The following ACSS3 variants were observed in gnomAD, a reference collection of about 807,000 sequenced individuals.
The protein encoded by ACSS3 is acyl-CoA synthetase short chain family member 3.
In ACSS3, 64 loss-of-function variants were observed where a neutral mutation model predicts 84.2. That is an observed-to-expected ratio of 0.76 (90% CI 0.62 to 0.94). The LOEUF is 0.94. Ranked by LOEUF, ACSS3 falls within the 40% of genes least tolerant of loss-of-function variation. The probability of loss-of-function intolerance (pLI) is 0.00; values close to 1 mark genes in which losing one functional copy is unlikely to be tolerated. For synonymous variants in ACSS3, 317 were observed against 310.1 expected (o/e 1.02, Z -0.23); for missense variants, 815 against 867.6 (o/e 0.94, Z 0.76).
At chr12:81,185,546 T>A (rs2031209394) in intron 8 of ACSS3, among the ~76,000 whole-genome samples, 1 of 151,596 alleles carries the variant, frequency 6.6e-6, no homozygotes, top group Non-Finnish European at 1.5e-5. Flanking sequence ...ACACAAATAA[T>A]GATCTAACTG....
intron 7 of ACSS3, among the ~76,000 whole-genome samples, chr12:81,167,853 C>G (rs189881769): frequency 2.0e-5 from 3 of 152,138 alleles, no homozygotes; most frequent in African/African-American, 7.2e-5. Flanking sequence ...GGAGAAGTCT[C>G]ACCTTCTCAG....
intron 2 of ACSS3, among the ~76,000 whole-genome samples, chr12:81,115,951 C>T (rs139050813): frequency 3.3e-5 from 5 of 152,046 alleles, no homozygotes; most frequent in Admixed American, 6.6e-5. Flanking sequence ...GCACCAGTGC[C>T]GGTATTTAAG....
chr12:81,253,708 T>C (rs1384472544), intron 15 of ACSS3, 38 bp downstream of exon 15: 1 of 1,582,352 alleles, frequency 6.3e-7, no homozygotes, highest in Non-Finnish European at 8.6e-7. Context: ...GGTTCTAAGA[T>C]ATTTTTCTTC....
intron 3 of ACSS3, among the ~76,000 whole-genome samples, chr12:81,136,026 T>C (rs1472824783): frequency 1.3e-5 from 2 of 152,158 alleles, no homozygotes; most frequent in Non-Finnish European, 2.9e-5. Context: ...TGACACTGTC[T>C]TTGCAACTGG....
intron 11 of ACSS3, among the ~76,000 whole-genome samples, chr12:81,220,944 T>C (rs952231917): frequency 9.2e-5 from 14 of 152,064 alleles, no homozygotes; most frequent in African/African-American, 3.4e-4. Context: ...ATAGCAATAG[T>C]ATTGAAGAGA....
chr12:81,259,449 T>C lies in ACSS3; in HGVS notation c.*4527T>C, dbSNP rs1021602027. Reference sequence around the variant, plus strand: ...TGTACAGAGTTTATGATGTAGATGATGTTTATTATTCAAATGACTTAAGCA... The same window carrying C: ...TGTACAGAGTTTATGATGTAGATGACGTTTATTATTCAAATGACTTAAGCA... On this transcript the variant is annotated 3_prime_UTR_variant, in exon 16 of 16. Coordinates refer to ENST00000548058, the MANE Select transcript of ACSS3 (RefSeq NM_024560.4). 4.5e-6 allele frequency: 3 copies of C among 662,024 alleles called. No individual in the cohort carries two copies. In the African/African-American group the frequency reaches 5.5e-5, roughly 12 times the overall value. 41.0% of individuals were successfully genotyped at this position (662,024 alleles called of 1,614,324 possible).
In ACSS3 at chr12:81,139,116, A is replaced by G. The variant is rs1406985005; in HGVS notation, c.646-15A>G. The G allele has an allele frequency of 2.5e-6, 4 of 1,609,000 alleles. No individual in the cohort carries two copies. Among genetic ancestry groups the G allele is most frequent in the Non-Finnish European group, 3.4e-6 (4 of 1,177,682 alleles). On this transcript the variant is annotated splice_polypyrimidine_tract_variant and intron_variant, in intron 3 of 15. Transcript: ENST00000548058. ...TTGTTAAAGCTTTCTCTCCATTATT[A>G]TTTTTTAATTGTAGCCCAAGGTGGT...
At chr12:81,251,661 A>G (rs1466049175) in intron 13 of ACSS3, among the ~76,000 whole-genome samples, 1 of 142,680 alleles carries the variant, frequency 7.0e-6, no homozygotes, top group Non-Finnish European at 1.5e-5. Context: ...GCGAAACCCC[A>G]TCTCTACAAA....
intron 7 of ACSS3, among the ~76,000 whole-genome samples, chr12:81,157,054 A>G (rs1456989086): frequency 1.5e-4 from 23 of 152,194 alleles, no homozygotes; most frequent in Admixed American, 1.5e-3. Context: ...AAATACTACA[A>G]ACTAATGTCC....
At chr12:81,162,615 C>A (rs1011384365) in intron 7 of ACSS3, among the ~76,000 whole-genome samples, 2 of 152,170 alleles carry the variant, frequency 1.3e-5, no homozygotes, top group Non-Finnish European at 2.9e-5. Flanking sequence ...CTGTCCCTGC[C>A]TTGAAGGGGA....
intron 13 of ACSS3, among the ~76,000 whole-genome samples, chr12:81,240,807 C>A (rs986716662): frequency 1.3e-5 from 2 of 151,818 alleles, no homozygotes; most frequent in Admixed American, 6.6e-5. Context: ...ACTTCATGGG[C>A]AGAGCAAATA....
chr12:81,100,121 A>G (rs1165736054), intron 1 of ACSS3, among the ~76,000 whole-genome samples: 2 of 152,074 alleles, frequency 1.3e-5, no homozygotes, highest in Admixed American at 6.6e-5. Context: ...AGATTCAAGC[A>G]AGAGTCTCTC....
intron 9 of ACSS3, among the ~76,000 whole-genome samples, chr12:81,208,741 G>A (rs1014986280): frequency 6.6e-5 from 10 of 151,520 alleles, no homozygotes; most frequent in Non-Finnish European, 1.3e-4. Context: ...TCATCCCGCT[G>A]TTTACTTCTT....
chr12:81,150,870 T>G (rs1886576765), intron 5 of ACSS3, among the ~76,000 whole-genome samples: 1 of 140,574 alleles, frequency 7.1e-6, no homozygotes, highest in African/African-American at 2.5e-5. Flanking sequence ...ATGTTTGCCC[T>G]TTCATAAAAA....
chr12:81,214,551 A>G (rs1329641550), intron 9 of ACSS3, among the ~76,000 whole-genome samples: 1 of 152,244 alleles, frequency 6.6e-6, no homozygotes, highest in Non-Finnish European at 1.5e-5. Flanking sequence ...GATGAAGAAT[A>G]AAGGTTATAA....
intron 1 of ACSS3, among the ~76,000 whole-genome samples, chr12:81,088,392 G>A (rs2121311283): frequency 1.3e-5 from 2 of 152,042 alleles, no homozygotes; most frequent in Middle Eastern, 3.4e-3. Flanking sequence ...TGACTGTTGG[G>A]ATAATTTAGT....
chr12:81,212,664 C>G (rs533379670), intron 9 of ACSS3, among the ~76,000 whole-genome samples: 1 of 152,072 alleles, frequency 6.6e-6, no homozygotes, highest in Middle Eastern at 3.4e-3. Context: ...TAAAAGCACT[C>G]GACTCTTGGT....
At chr12:81,213,314 A>G (rs973346822) in intron 9 of ACSS3, among the ~76,000 whole-genome samples, 1 of 152,058 alleles carries the variant, frequency 6.6e-6, no homozygotes, top group Non-Finnish European at 1.5e-5. Context: ...AAGAGTGTTT[A>G]TCTTGTCTGT....
chr12:81,174,009 A>G (rs887782415), intron 7 of ACSS3, among the ~76,000 whole-genome samples: 1 of 152,098 alleles, frequency 6.6e-6, no homozygotes, highest in African/African-American at 2.4e-5. Flanking sequence ...ACACAGGAAG[A>G]GGTAGCAGTG....
Sources: allele counts gnomAD v4.1 joint callset (sites outside exome capture counted in the v4.1 genomes callset), GRCh38; gene constraint gnomAD v4.1.1; transcripts MANE v1.5; gene names NCBI Gene and HGNC (gene_info 2026-07-23, HGNC 2026-07-21).